Variants in CLVS1 observed in about 807,000 individuals in gnomAD.
The protein encoded by CLVS1 is clavesin-1.
In CLVS1, 10 loss-of-function variants were observed where a neutral mutation model predicts 33.1. That is an observed-to-expected ratio of 0.30 (90% CI 0.19 to 0.51). The LOEUF is 0.51. Ranked by LOEUF, CLVS1 falls within the 20% of genes least tolerant of loss-of-function variation. The pLI is 0.97. For missense variants in CLVS1, 343 were observed against 433.4 expected (o/e 0.79, Z 1.85); for synonymous variants, 163 against 166.1 (o/e 0.98, Z 0.14).
chr8:61,377,893 G>GTGGCTACAACATA (rs6150608), intron 3 of CLVS1: 3 of 151,904 alleles, frequency 2.0e-5, no homozygotes, highest in African/African-American at 7.3e-5. Context: ...ATTGTCCTGG[G>GTGGCTACAACATA]TAGTGTATTT....
At chr8:61,417,769 G>A (rs1815498750) in intron 3 of CLVS1, among the ~76,000 whole-genome samples, 1 of 152,120 alleles carries the variant, frequency 6.6e-6, no homozygotes, top group Admixed American at 6.5e-5. Context: ...CCAGAGCTGG[G>A]TGCTGTGGCC....
the CLVS1 span, among the ~76,000 whole-genome samples, chr8:60,982,106 C>T: frequency 3.3e-5 from 5 of 152,200 alleles, no homozygotes; most frequent in African/African-American, 1.2e-4. Context: ...AACATTCATG[C>T]CACGAATGAG....
intron 3 of CLVS1, among the ~76,000 whole-genome samples, chr8:61,378,938 T>C (rs1342268391): frequency 6.6e-6 from 1 of 152,186 alleles, no homozygotes; most frequent in Non-Finnish European, 1.5e-5. Context: ...TCAGCAGTAC[T>C]GTGCAAGGAG....
chr8:61,488,874 A>C (rs1474020526), intron 5 of CLVS1, among the ~76,000 whole-genome samples: 1 of 152,084 alleles, frequency 6.6e-6, no homozygotes, highest in African/African-American at 2.4e-5. Flanking sequence ...CTTCCTCCCC[A>C]TCTGCAAGTT....
At chr8:61,353,561 G>A (rs778352375) in intron 2 of CLVS1, among the ~76,000 whole-genome samples, 3 of 151,578 alleles carry the variant, frequency 2.0e-5, no homozygotes, top group Admixed American at 6.6e-5. Flanking sequence ...AAATGAAAAC[G>A]CAGCATATCC....
intron 1 of CLVS1, among the ~76,000 whole-genome samples, chr8:61,074,165 T>C (rs531900541): frequency 3.5e-4 from 53 of 151,014 alleles, no homozygotes; most frequent in African/African-American, 1.1e-3. Flanking sequence ...TAGCTAAATC[T>C]TGTCTCTGCA....
chr8:61,101,346 A>C (rs965645974), intron 1 of CLVS1, among the ~76,000 whole-genome samples: 3 of 152,044 alleles, frequency 2.0e-5, no homozygotes, highest in Admixed American at 2.0e-4. Context: ...GCATCTTTTT[A>C]TGTGCTTATT....
At chr8:60,984,703 C>T in the CLVS1 span, among the ~76,000 whole-genome samples, 1 of 152,132 alleles carries the variant, frequency 6.6e-6, no homozygotes, top group Non-Finnish European at 1.5e-5. Flanking sequence ...CAAATATGTG[C>T]CCAGCAGTGT....
chr8:61,359,247 A>G (rs1220878790), intron 2 of CLVS1, among the ~76,000 whole-genome samples: 1 of 152,234 alleles, frequency 6.6e-6, no homozygotes, highest in Non-Finnish European at 1.5e-5. Flanking sequence ...TTAAGTTTTC[A>G]GACCTTTTTA....
At chr8:61,353,034 G>A (rs1226184392) in intron 2 of CLVS1, among the ~76,000 whole-genome samples, 1 of 151,954 alleles carries the variant, frequency 6.6e-6, no homozygotes, top group Non-Finnish European at 1.5e-5. Flanking sequence ...TTTCTTAAAT[G>A]TGTGCATACA....
chr8:61,209,913 A>G (rs1462037409), intron 2 of CLVS1, among the ~76,000 whole-genome samples: 1 of 152,220 alleles, frequency 6.6e-6, no homozygotes, highest in Non-Finnish European at 1.5e-5. Flanking sequence ...GATGGGATGT[A>G]ACTCCCATGA....
At chr8:60,973,514 A>G in the CLVS1 span, among the ~76,000 whole-genome samples, 5 of 152,222 alleles carry the variant, frequency 3.3e-5, no homozygotes, top group East Asian at 9.6e-4. Flanking sequence ...TGAGGGGCAT[A>G]AGGCAGAAGA....
chr8:61,470,139 G>A (rs1258397479), intron 5 of CLVS1, among the ~76,000 whole-genome samples: 1 of 152,204 alleles, frequency 6.6e-6, no homozygotes, highest in Admixed American at 6.5e-5. Flanking sequence ...CGAGATAGAT[G>A]TCCTGCTTAC....
intron 2 of CLVS1, among the ~76,000 whole-genome samples, chr8:61,315,904 G>C (rs1810993614): frequency 6.6e-6 from 1 of 151,892 alleles, no homozygotes; most frequent in Non-Finnish European, 1.5e-5. Context: ...AATAGGCCCG[G>C]GTGTGTGATG....
chr8:61,254,982 C>T (rs1350958804), intron 2 of CLVS1, among the ~76,000 whole-genome samples: 2 of 152,162 alleles, frequency 1.3e-5, no homozygotes, highest in East Asian at 1.9e-4. Flanking sequence ...AGAAATCATT[C>T]GTCTTCTGCA....
chr8:60,973,041 C>T, the CLVS1 span, among the ~76,000 whole-genome samples: 1 of 152,162 alleles, frequency 6.6e-6, no homozygotes, highest in Non-Finnish European at 1.5e-5. Context: ...CCAGAGCTGG[C>T]ACAGTGTTGC....
At chr8:61,068,616 T>C (rs750199986) in intron 1 of CLVS1, among the ~76,000 whole-genome samples, 4 of 152,162 alleles carry the variant, frequency 2.6e-5, no homozygotes, top group South Asian at 4.1e-4. Context: ...TCATGAGTCA[T>C]TGGGGATGCT....
At chr8:61,040,588 GTGA>G in the CLVS1 span, among the ~76,000 whole-genome samples, 7 of 152,172 alleles carry the variant, frequency 4.6e-5, no homozygotes, top group Admixed American at 4.6e-4. Flanking sequence ...CTGACAATTA[GTGA>G]TGATGAGCAT....
intron 2 of CLVS1, among the ~76,000 whole-genome samples, chr8:61,198,645 G>T (rs753071452): frequency 1.5e-4 from 23 of 152,312 alleles, no homozygotes; most frequent in Non-Finnish European, 2.9e-4. Flanking sequence ...CTCCCAAAGT[G>T]CTGAGATAAC....
Sources: gnomAD v4.1 joint callset for allele counts (sites outside exome capture counted in the v4.1 genomes callset) on GRCh38, gnomAD v4.1.1 for gene constraint, MANE v1.5 for transcripts, NCBI Gene and HGNC (gene_info 2026-07-23, HGNC 2026-07-21) for gene names.